SNX29: variants seen among roughly 807,000 people sequenced by gnomAD.
SNX29 encodes the protein sorting nexin 29, also known as sorting nexin-29.
Under a neutral mutation model 102.1 loss-of-function variants are expected in SNX29, and 78 were observed. The ratio of observed to expected loss-of-function variants is 0.76; its 90% CI spans 0.64 to 0.92. The LOEUF (loss-of-function observed/expected upper bound fraction) is 0.92. Ranked by LOEUF, SNX29 falls within the 40% of genes least tolerant of loss-of-function variation. The pLI, the probability that SNX29 is intolerant of heterozygous loss-of-function variation, is 0.00. For missense variants in SNX29, 1,280 were observed against 1,061.7 expected, an observed-to-expected ratio of 1.21 and a Z score of -2.86; for synonymous variants, 580 against 414.5, an observed-to-expected ratio of 1.40 and a Z score of -4.85.
intron 18 of SNX29, among the ~76,000 whole-genome samples, chr16:12,424,030 C>G (rs2084964415): frequency 1.3e-5 from 2 of 152,170 alleles, no homozygotes; most frequent in African/African-American, 4.8e-5. Context: ...GCTGGTTGGC[C>G]AGAGGGAATC....
At chr16:12,139,467 A>AG (rs1342047309) in intron 13 of SNX29, among the ~76,000 whole-genome samples, 1 of 152,188 alleles carries the variant, frequency 6.6e-6, no homozygotes, top group Non-Finnish European at 1.5e-5. Context: ...GAGGGATTGA[A>AG]GGGACCGTGG....
At chr16:12,564,001 C>T (rs1044943944) in intron 20 of SNX29, among the ~76,000 whole-genome samples, 19 of 152,200 alleles carry the variant, frequency 1.2e-4, no homozygotes, top group African/African-American at 4.1e-4. Flanking sequence ...CTGCAGCACC[C>T]TCTTCCCCCA....
intron 20 of SNX29, among the ~76,000 whole-genome samples, chr16:12,559,901 T>C (rs1376237210): frequency 1.3e-5 from 2 of 152,108 alleles, no homozygotes; most frequent in Non-Finnish European, 2.9e-5. Context: ...ATGGCATGAA[T>C]GCAGGAGGTG....
At chr16:12,509,754 C>T (rs1404678057) in intron 19 of SNX29, among the ~76,000 whole-genome samples, 1 of 152,152 alleles carries the variant, frequency 6.6e-6, no homozygotes. Context: ...GCTTGCCTCT[C>T]AAAATCCATG....
rs1000559421 is a variant in SNX29, at chr16:12,414,660, A to C, written c.2037+11131A>C. On this transcript the variant is annotated intron_variant, in intron 18 of 20. Coordinates refer to ENST00000566228, the MANE Select transcript of SNX29 (RefSeq NM_032167.5). The stretch of plus-strand genomic sequence containing the variant: ...GTAAAAGTAGAAGTCCTGCAAAGAC[A>C]TTTTCCTGCCTGGCCGTTGTTTTTC... Among the ~76,000 whole-genome samples the C allele has an allele frequency of 5.9e-5, 9 of 151,922 alleles. No homozygotes were observed. The East Asian group carries it at 1.2e-3, about 20-fold the overall frequency.
Position 12,481,578 on chromosome 16 carries a change from A to G in SNX29, c.2178+3719A>G, listed in dbSNP as rs376943886. On this transcript the variant is annotated intron_variant, in intron 19 of 20. Transcript: ENST00000566228. Reference sequence around the variant, plus strand: ...CACCCCAAATGTCACCCTGTCGCCCAGGGTGGAGTGCAGTGGCACAATTTC... The same window carrying G: ...CACCCCAAATGTCACCCTGTCGCCCGGGGTGGAGTGCAGTGGCACAATTTC... 9.9e-5 allele frequency among the ~76,000 whole-genome samples: 15 copies of G among 150,796 alleles called. No homozygotes were observed. In the East Asian group the frequency reaches 1.4e-3, roughly 14 times the overall value.
intron 8 of SNX29, among the ~76,000 whole-genome samples, chr16:12,060,647 T>A (rs1173222890): frequency 2.0e-5 from 3 of 151,650 alleles, no homozygotes; most frequent in African/African-American, 7.3e-5. Context: ...TTTGCAGGGG[T>A]TTTTTGAAAC....
At chr16:12,262,616 G>T (rs922525470) in intron 14 of SNX29, among the ~76,000 whole-genome samples, 4 of 152,178 alleles carry the variant, frequency 2.6e-5, no homozygotes, top group Non-Finnish European at 5.9e-5. Context: ...GTAGCAACAC[G>T]GCAAGCTGTG....
chr16:12,572,175 TTC>T lies in SNX29; in HGVS notation c.*3548_*3549del. ...AGATCAATTTTGATAACCATGTAAT[TTC>T]TTAGAACCATGGCAGGTAGTATTGT... On this transcript the variant is annotated 3_prime_UTR_variant, in exon 21 of 21. Transcript: ENST00000566228. 1.0e-6 allele frequency: 1 copy of T among 978,902 alleles called. No individual in the cohort carries two copies. Among genetic ancestry groups the T allele is most frequent in the Non-Finnish European group, 1.2e-6 (1 of 801,510 alleles). The allele number at this position is 978,902 out of a possible 1,614,324, so 60.6% of individuals were successfully genotyped here.
At chr16:12,032,311 G>A (rs1312524837) in intron 4 of SNX29, among the ~76,000 whole-genome samples, 3 of 151,180 alleles carry the variant, frequency 2.0e-5, no homozygotes, top group Non-Finnish European at 2.9e-5. Context: ...GGGTTCAAGC[G>A]ATTCTCCTGC....
intron 9 of SNX29, 94 bp from the exon 10 acceptor site, chr16:12,068,963 A>C (rs2051166094): frequency 8.5e-7 from 1 of 1,170,160 alleles, no homozygotes; most frequent in Non-Finnish European, 1.2e-6. Flanking sequence ...CAAGTGATGT[A>C]GCAGATGAGC....
chr16:12,110,191 G>T (rs1256786715), intron 11 of SNX29, among the ~76,000 whole-genome samples: 1 of 152,106 alleles, frequency 6.6e-6, no homozygotes, highest in East Asian at 1.9e-4. Context: ...ATGGCTCTCA[G>T]ATGACTCTCT....
intron 14 of SNX29, among the ~76,000 whole-genome samples, chr16:12,236,986 C>G (rs1468576506): frequency 6.6e-6 from 1 of 152,224 alleles, no homozygotes; most frequent in Admixed American, 6.5e-5. Flanking sequence ...TTTCCTGGAA[C>G]TTGAAGGTTG....
chr16:12,169,055 G>A (rs1567272835), intron 13 of SNX29, among the ~76,000 whole-genome samples: 1 of 152,218 alleles, frequency 6.6e-6, no homozygotes, highest in Non-Finnish European at 1.5e-5. Flanking sequence ...TCACTGCTGA[G>A]GGGTGTGAGG....
chr16:12,107,511 T>TA (rs1182050781), intron 11 of SNX29, among the ~76,000 whole-genome samples: 16 of 151,630 alleles, frequency 1.1e-4, no homozygotes, highest in Non-Finnish European at 2.4e-4. Context: ...TACTGAAAAA[T>TA]ACAAAAATTA....
At chr16:12,410,477 C>T (rs955540966) in intron 18 of SNX29, among the ~76,000 whole-genome samples, 41 of 152,240 alleles carry the variant, frequency 2.7e-4, no homozygotes, top group African/African-American at 8.2e-4. Flanking sequence ...GACAGGGTCT[C>T]GCTTTGTCAC....
At chr16:12,239,510 A>G (rs568893461) in intron 14 of SNX29, among the ~76,000 whole-genome samples, 1 of 152,084 alleles carries the variant, frequency 6.6e-6, no homozygotes, top group Non-Finnish European at 1.5e-5. Context: ...AACCAAAGCT[A>G]TTTCTATTGA....
chr16:12,539,117 C>T (rs770262222), intron 20 of SNX29, among the ~76,000 whole-genome samples: 1 of 152,124 alleles, frequency 6.6e-6, no homozygotes, highest in African/African-American at 2.4e-5. Flanking sequence ...TTTACTTTCA[C>T]AAAAAATTTT....
At chr16:12,118,353 C>G (rs34968730) in intron 11 of SNX29, among the ~76,000 whole-genome samples, 1 of 103,672 alleles carries the variant, frequency 9.6e-6, no homozygotes, top group Non-Finnish European at 1.7e-5. Flanking sequence ...TGGAGTCTTG[C>G]TCTGTCACCC....
Sources: gnomAD v4.1 joint callset for allele counts (sites outside exome capture counted in the v4.1 genomes callset) on GRCh38, gnomAD v4.1.1 for gene constraint, MANE v1.5 for transcripts, NCBI Gene and HGNC (gene_info 2026-07-23, HGNC 2026-07-21) for gene names.